The following ZNF280C variants were observed in gnomAD, a reference collection of about 807,000 sequenced individuals.
ZNF280C encodes zinc finger protein 280C.
Under a neutral mutation model 53.6 loss-of-function variants are expected in ZNF280C, and 14 were observed. The ratio of observed to expected loss-of-function variants is 0.26; its 90% CI spans 0.17 to 0.41. The LOEUF (loss-of-function observed/expected upper bound fraction) is 0.41. ZNF280C is among the 10% of genes least tolerant of loss of function. The probability of loss-of-function intolerance (pLI) is 1.00; values close to 1 mark genes in which losing one functional copy is unlikely to be tolerated. For missense variants in ZNF280C, 416 were observed against 547.1 expected (o/e 0.76, Z 2.39); for synonymous variants, 203 against 181.1 (o/e 1.12, Z -0.97).
chrX:130,203,066 T>G lies in ZNF280C; in HGVS notation c.*1911A>C, dbSNP rs148988487. 8.9e-6 allele frequency: 1 copy of G among 111,741 alleles called. No individual in the cohort carries two copies. Among genetic ancestry groups the G allele is most frequent in the East Asian group, 2.8e-4 (1 of 3,576 alleles). The allele number at this position is 111,741 out of a possible 1,213,427, so 9.2% of individuals were successfully genotyped here. ...ATCAGAATCCCTAAGCTAATGTTAA[T>G]GATAGGCCCAAGACAGAGCATGTAA... On this transcript the variant is annotated 3_prime_UTR_variant, in exon 19 of 19. Transcript: ENST00000370978.
At chrX:130,226,643 A>T (rs2032223539) in intron 12 of ZNF280C, 116 bp downstream of exon 12, 1 of 765,450 alleles carries the variant, frequency 1.3e-6, no homozygotes, top group Admixed American at 3.9e-5. Context: ...GTCCAGAACA[A>T]ATCTAACCAA....
chrX:130,233,595 C>G (rs1241096929), intron 8 of ZNF280C, among the ~76,000 whole-genome samples: 1 of 99,004 alleles, frequency 1.0e-5, no homozygotes, highest in Non-Finnish European at 2.0e-5. Flanking sequence ...GCACTCTAGC[C>G]TGGGCAACAA....
rs2031932790 is a variant in ZNF280C, at chrX:130,203,203, C to T, written c.*1774G>A. ...CTTGGAGTTTGTAATAAGAACAAAA[C>T]AAACACAAAGAGAAGAGTTCAAAAG... On this transcript the variant is annotated 3_prime_UTR_variant, in exon 19 of 19. Coordinates refer to ENST00000370978, the MANE Select transcript of ZNF280C (RefSeq NM_017666.5). The T allele has an allele frequency of 9.0e-6, 1 of 110,815 alleles. No homozygotes were observed. Among genetic ancestry groups the T allele is most frequent in the African/African-American group, 3.3e-5 (1 of 30,475 alleles). 9.1% of individuals were successfully genotyped at this position (110,815 alleles called of 1,213,427 possible). A position where few individuals can be genotyped will look rare whatever the true frequency, so the allele number is the denominator to read the frequency against.
intron 15 of ZNF280C, among the ~76,000 whole-genome samples, chrX:130,211,193 C>T (rs1404006557): frequency 8.9e-6 from 1 of 111,993 alleles, no homozygotes; most frequent in African/African-American, 3.2e-5. Context: ...GAGCTTCTTT[C>T]TCAAAGAGGT....
intron 13 of ZNF280C, among the ~76,000 whole-genome samples, chrX:130,216,717 G>A (rs1182403092): frequency 8.9e-6 from 1 of 112,191 alleles, no homozygotes; most frequent in Admixed American, 9.4e-5. Flanking sequence ...CAGTTTGGCA[G>A]GCTGGGTGTG....
At chrX:130,226,010 C>G (rs1442960610) in intron 12 of ZNF280C, among the ~76,000 whole-genome samples, 3 of 112,211 alleles carry the variant, frequency 2.7e-5, no homozygotes, top group African/African-American at 9.7e-5. Context: ...AAGTTTTCAG[C>G]CCACAGGATG....
intron 2 of ZNF280C, among the ~76,000 whole-genome samples, chrX:130,248,104 C>G (rs1414731687): frequency 1.0e-5 from 1 of 97,794 alleles, no homozygotes; most frequent in African/African-American, 3.8e-5. Context: ...AGAAAACCGA[C>G]AGCCAGGCAG....
In ZNF280C at chrX:130,203,656, C is replaced by CT. The variant is rs1318283796; in HGVS notation, c.*1320dup. The CT allele has an allele frequency of 9.0e-6, 1 of 111,515 alleles. No individual in the cohort carries two copies. Among genetic ancestry groups the CT allele is most frequent in the Non-Finnish European group, 1.9e-5 (1 of 53,091 alleles). The allele number at this position is 111,515 out of a possible 1,213,427, so 9.2% of individuals were successfully genotyped here. A position where few individuals can be genotyped will look rare whatever the true frequency, so the allele number is the denominator to read the frequency against. ...CCAGCCTGGGTGACAGAGCAAGACT[C>CT]TGTCTTAAAAAAAGAAAAAAAATAA... is the stretch of plus-strand genomic sequence containing the variant. On this transcript the variant is annotated 3_prime_UTR_variant, in exon 19 of 19. Transcript: ENST00000370978.
intron 12 of ZNF280C, among the ~76,000 whole-genome samples, chrX:130,223,207 C>A (rs772228992): frequency 9.0e-6 from 1 of 110,957 alleles, no homozygotes; most frequent in East Asian, 2.9e-4. Context: ...CAGGCATGCA[C>A]CACCACACCC....
chrX:130,260,613 C>G, intron 1 of ZNF280C, 148 bp from the exon 2 acceptor site: 1 of 324,277 alleles, frequency 3.1e-6, no homozygotes, highest in Non-Finnish European at 5.4e-6. Flanking sequence ...AGACAGTAAG[C>G]TAGGTCTCAG....
intron 6 of ZNF280C, among the ~76,000 whole-genome samples, chrX:130,237,020 A>C (rs1044891749): frequency 8.9e-6 from 1 of 111,998 alleles, no homozygotes; most frequent in Non-Finnish European, 1.9e-5. Flanking sequence ...GGAATACTCT[A>C]AGTTTCTACA....
intron 2 of ZNF280C, among the ~76,000 whole-genome samples, chrX:130,251,104 A>AAAT (rs201895158): frequency 0.018 from 1,945 of 106,180 alleles, 20 homozygotes; most frequent in African/African-American, 0.029. Flanking sequence ...CAAAAAAATA[A>AAAT]AATAATAATA....
chrX:130,224,599 C>T (rs894617771), intron 12 of ZNF280C, among the ~76,000 whole-genome samples: 3 of 111,582 alleles, frequency 2.7e-5, no homozygotes, highest in African/African-American at 9.8e-5. Flanking sequence ...GATTACCAGG[C>T]GCCAACTTCT....
intron 17 of ZNF280C, 45 bp from the exon 18 acceptor site, chrX:130,205,198 G>A: frequency 8.8e-7 from 1 of 1,136,856 alleles, no homozygotes; most frequent in Non-Finnish European, 1.2e-6. Flanking sequence ...TATATGAAGA[G>A]TGAGACTATC....
chrX:130,241,944 T>C (rs1362501526), intron 5 of ZNF280C, among the ~76,000 whole-genome samples: 1 of 98,687 alleles, frequency 1.0e-5, no homozygotes, highest in Non-Finnish European at 2.0e-5. Context: ...ATAATAATAG[T>C]GCCCATCTCA....
intron 16 of ZNF280C, among the ~76,000 whole-genome samples, chrX:130,207,441 C>T (rs1473244588): frequency 1.8e-5 from 2 of 111,514 alleles, no homozygotes; most frequent in Non-Finnish European, 3.8e-5. Context: ...CTCACTGTAA[C>T]CTCCACCTCC....
At chrX:130,215,403 C>T (rs1847960893) in intron 14 of ZNF280C, 70 bp from the exon 15 acceptor site, 2 of 1,002,659 alleles carry the variant, frequency 2.0e-6, no homozygotes, top group East Asian at 3.3e-5. Context: ...ATCTTATTAA[C>T]ATTTTATTAA....
Position 130,228,278 on chromosome X carries a change from A to G in ZNF280C, c.1148-496T>C, listed in dbSNP as rs184151602. ...ATTGTTTATAAGAAAGATTTCAATT[A>G]TTTTATTTTATTTTATTTTTTTGAG... On this transcript the variant is annotated intron_variant, in intron 10 of 18. Coordinates refer to ENST00000370978, the MANE Select transcript of ZNF280C (RefSeq NM_017666.5). 2.5e-4 allele frequency among the ~76,000 whole-genome samples: 28 copies of G among 111,187 alleles called. No homozygotes were observed. The East Asian group carries it at 4.7e-3, about 19-fold the overall frequency.
intron 9 of ZNF280C, among the ~76,000 whole-genome samples, chrX:130,230,004 T>C (rs568575439): frequency 8.9e-6 from 1 of 112,149 alleles, no homozygotes; most frequent in South Asian, 3.7e-4. Context: ...TCAACCTACA[T>C]AGCAATCATT....
Sources: allele counts gnomAD v4.1 joint callset (sites outside exome capture counted in the v4.1 genomes callset), GRCh38; gene constraint gnomAD v4.1.1; transcripts MANE v1.5; gene names NCBI Gene and HGNC (gene_info 2026-07-23, HGNC 2026-07-21).